The following SLC25A21 variants were observed in gnomAD, a reference collection of about 807,000 sequenced individuals.
SLC25A21 encodes solute carrier family 25 member 21.
SLC25A21 carries 47 observed loss-of-function variants against 43.8 expected under a neutral mutation model. The observed-to-expected ratio is 1.07, with a 90% CI of 0.85 to 1.37. The LOEUF is 1.37. SLC25A21 is among the 40% of genes most tolerant of loss of function. SLC25A21 has a pLI of 0.00. For missense variants in SLC25A21, 352 were observed against 350.2 expected (o/e 1.00, Z -0.04); for synonymous variants, 131 against 121.3 (o/e 1.08, Z -0.52).
chr14:37,166,136 G>C (rs1964026647), intron 1 of SLC25A21, among the ~76,000 whole-genome samples: 1 of 152,160 alleles, frequency 6.6e-6, no homozygotes, highest in Non-Finnish European at 1.5e-5. Flanking sequence ...ACAAATCACG[G>C]AGCAGAGCAT....
intron 1 of SLC25A21, among the ~76,000 whole-genome samples, chr14:37,028,138 G>A (rs539932388): frequency 5.3e-5 from 8 of 151,986 alleles, no homozygotes; most frequent in South Asian, 2.1e-4. Context: ...GTAAGGAGAC[G>A]TGTGTATAAA....
intron 4 of SLC25A21, among the ~76,000 whole-genome samples, chr14:36,731,363 T>A (rs865984266): frequency 3.9e-5 from 6 of 152,234 alleles, no homozygotes; most frequent in Non-Finnish European, 7.3e-5. Context: ...TAGAGCTGAA[T>A]CCAGGTTATG....
At chr14:36,864,687 A>T (rs1348667694) in intron 2 of SLC25A21, among the ~76,000 whole-genome samples, 6 of 152,210 alleles carry the variant, frequency 3.9e-5, no homozygotes, top group African/African-American at 7.2e-5. Flanking sequence ...TACATGACAA[A>T]ATCCCAATTA....
chr14:36,911,223 G>C (rs569111589), intron 1 of SLC25A21, among the ~76,000 whole-genome samples: 1 of 152,282 alleles, frequency 6.6e-6, no homozygotes, highest in South Asian at 2.1e-4. Context: ...TCATGAATCA[G>C]AAACTGTTAC....
intron 3 of SLC25A21, among the ~76,000 whole-genome samples, chr14:36,741,828 C>T (rs1885276155): frequency 6.6e-6 from 1 of 152,132 alleles, no homozygotes; most frequent in Admixed American, 6.5e-5. Context: ...AAAGTGACAC[C>T]AGATCCCCAG....
chr14:37,141,778 TGAC>T (rs1258198827), intron 1 of SLC25A21, among the ~76,000 whole-genome samples: 7 of 152,248 alleles, frequency 4.6e-5, no homozygotes, highest in Admixed American at 2.6e-4. Context: ...TAGATTGCAC[TGAC>T]TTTATTTTTC....
intron 1 of SLC25A21, among the ~76,000 whole-genome samples, chr14:37,147,649 TA>T (rs1555349960): frequency 1.4e-5 from 2 of 146,878 alleles, no homozygotes; most frequent in East Asian, 2.0e-4. Context: ...TTTTTTTTTT[TA>T]AAAAAAAGGA....
At chr14:37,094,189 G>A (rs1962642331) in intron 1 of SLC25A21, among the ~76,000 whole-genome samples, 1 of 152,084 alleles carries the variant, frequency 6.6e-6, no homozygotes, top group Non-Finnish European at 1.5e-5. Context: ...TTCCTTCCAT[G>A]ACAGACTTTA....
Position 36,696,429 on chromosome 14 carries a change from C to A in SLC25A21, c.604-11504G>T, listed in dbSNP as rs375387352. ...AGGATGATGCTGGCCTCATAAAATG[C>A]GTTAGGGAGGATTCCCTCTTTTTCT... On this transcript the variant is annotated intron_variant, in intron 7 of 9. Coordinates refer to ENST00000331299, the MANE Select transcript of SLC25A21 (RefSeq NM_030631.4). Among the ~76,000 whole-genome samples, 47 of 152,084 alleles carry A rather than the reference C, an allele frequency of 3.1e-4. No homozygotes were observed. In the South Asian group the frequency reaches 5.4e-3, roughly 17 times the overall value.
At chr14:36,773,076 T>C (rs959256698) in intron 3 of SLC25A21, among the ~76,000 whole-genome samples, 1 of 152,042 alleles carries the variant, frequency 6.6e-6, no homozygotes, top group African/African-American at 2.4e-5. Context: ...AGTACTATGC[T>C]AAAGAAAAAA....
intron 1 of SLC25A21, among the ~76,000 whole-genome samples, chr14:36,969,584 G>A (rs1015399832): frequency 6.6e-6 from 1 of 151,748 alleles, no homozygotes; most frequent in Non-Finnish European, 1.5e-5. Flanking sequence ...CAACTCCTAG[G>A]CTTAAATGAT....
intron 3 of SLC25A21, among the ~76,000 whole-genome samples, chr14:36,769,197 C>A (rs1886528252): frequency 6.6e-6 from 1 of 152,164 alleles, no homozygotes; most frequent in Non-Finnish European, 1.5e-5. Flanking sequence ...CGGGGCTCCT[C>A]CTCAGATAAT....
intron 1 of SLC25A21, among the ~76,000 whole-genome samples, chr14:36,953,464 C>T (rs1382748817): frequency 2.0e-5 from 3 of 151,896 alleles, no homozygotes; most frequent in Admixed American, 6.6e-5. Flanking sequence ...GAACAAAACA[C>T]GATTGTGAAG....
intron 1 of SLC25A21, among the ~76,000 whole-genome samples, chr14:37,169,386 A>G (rs1017442072): frequency 3.3e-5 from 5 of 152,030 alleles, no homozygotes; most frequent in Non-Finnish European, 7.4e-5. Context: ...CTAAAAGAGA[A>G]GAGATGGAGA....
At chr14:36,711,582 C>CT (rs1374619441) in intron 6 of SLC25A21, 100 bp from the exon 7 acceptor site, 2 of 1,310,184 alleles carry the variant, frequency 1.5e-6, no homozygotes, top group Non-Finnish European at 2.1e-6. Context: ...TTATTAGGGA[C>CT]TTTTTTCCCC....
intron 1 of SLC25A21, among the ~76,000 whole-genome samples, chr14:37,018,129 T>C (rs1960903780): frequency 6.6e-6 from 1 of 152,052 alleles, no homozygotes; most frequent in African/African-American, 2.4e-5. Context: ...CCCATGGTAT[T>C]TTTTAATAAG....
At chr14:36,749,108 GC>G (rs1484021054) in intron 3 of SLC25A21, among the ~76,000 whole-genome samples, 1 of 152,092 alleles carries the variant, frequency 6.6e-6, no homozygotes. Context: ...AACCAATCTG[GC>G]TGTTTTCTGT....
intron 7 of SLC25A21, among the ~76,000 whole-genome samples, chr14:36,691,147 A>T (rs1356211438): frequency 6.6e-6 from 1 of 152,200 alleles, no homozygotes; most frequent in Non-Finnish European, 1.5e-5. Flanking sequence ...AGAAGTGAAG[A>T]AGCCAAAGTA....
intron 5 of SLC25A21, among the ~76,000 whole-genome samples, chr14:36,726,682 A>C (rs1414306122): frequency 6.6e-6 from 1 of 152,236 alleles, no homozygotes; most frequent in Non-Finnish European, 1.5e-5. Context: ...AAATAAGCAC[A>C]ACAATTAAAA....
Sources: allele counts gnomAD v4.1 joint callset (sites outside exome capture counted in the v4.1 genomes callset), GRCh38; gene constraint gnomAD v4.1.1; transcripts MANE v1.5; gene names NCBI Gene and HGNC (gene_info 2026-07-23, HGNC 2026-07-21).